ABTB2: variants seen among roughly 807,000 people sequenced by gnomAD.
ABTB2 encodes ankyrin repeat and BTB domain containing 2.
In ABTB2, 56 loss-of-function variants were observed where a neutral mutation model predicts 104.1. The observed-to-expected ratio is 0.54, with a 90% confidence interval of 0.43 to 0.67. The LOEUF (loss-of-function observed/expected upper bound fraction) is 0.67. Among genes scored for constraint, ABTB2 ranks in the 30% least tolerant of loss-of-function variants. The pLI, the probability that ABTB2 is intolerant of heterozygous loss-of-function variation, is 0.00. For synonymous variants in ABTB2, 606 were observed against 608.2 expected (o/e 1.00, Z 0.05); for missense variants, 1,279 against 1,407.7 (o/e 0.91, Z 1.46).
intron 10 of ABTB2, among the ~76,000 whole-genome samples, chr11:34,162,198 G>A (rs1381519126): frequency 6.6e-6 from 1 of 152,234 alleles, no homozygotes; most frequent in African/African-American, 2.4e-5. Context: ...TGCAAGGTCA[G>A]CCGAGTGACA....
Position 34,357,366 on chromosome 11 carries a change from G to A in ABTB2, c.218C>T (p.Thr73Met). ...CACTTCGGGGTCCTCGGGCAGCACC[G>A]TGTTCACCGTGTCCCAGCTGTTGTG... ...SRHNSWDTVN[T>M]VLPEDPEVAD... The change falls in exon 1 of 17, where the codon ACG becomes ATG. Residue 73 changes from threonine (T) to methionine (M), a missense_variant. Physicochemically the swap from Thr to Met is moderately conservative, Grantham distance 81 (BLOSUM62 -1). Coordinates refer to ENST00000435224, the MANE Select transcript of ABTB2 (RefSeq NM_145804.3). 6.5e-7 allele frequency: 1 copy of A among 1,541,000 alleles called. No homozygotes were observed. The highest frequency in any genetic ancestry group is 8.8e-7 in the Non-Finnish European group (1 of 1,140,334).
At chr11:34,313,121 A>T (rs1212703734) in intron 1 of ABTB2, among the ~76,000 whole-genome samples, 2 of 152,260 alleles carry the variant, frequency 1.3e-5, no homozygotes, top group Non-Finnish European at 2.9e-5. Flanking sequence ...ACAATAGCTC[A>T]CTGTCAGTGG....
intron 1 of ABTB2, among the ~76,000 whole-genome samples, chr11:34,287,086 C>T (rs1854514183): frequency 1.3e-5 from 2 of 151,756 alleles, no homozygotes; most frequent in Admixed American, 6.6e-5. Context: ...ATGGCTCATG[C>T]CTGTAATCCC....
chr11:34,353,631 C>T (rs1195033562), intron 1 of ABTB2, among the ~76,000 whole-genome samples: 2 of 152,150 alleles, frequency 1.3e-5, no homozygotes, highest in East Asian at 3.9e-4. Flanking sequence ...CTTTTATTAT[C>T]CATCTTGTGC....
At chr11:34,212,077 G>C (rs1853487560) in intron 1 of ABTB2, among the ~76,000 whole-genome samples, 1 of 151,814 alleles carries the variant, frequency 6.6e-6, no homozygotes, top group Admixed American at 6.6e-5. Flanking sequence ...TATTTATTGA[G>C]ACAGGGCCTT....
chr11:34,245,463 C>T (rs1853973921), intron 1 of ABTB2, among the ~76,000 whole-genome samples: 1 of 152,262 alleles, frequency 6.6e-6, no homozygotes, highest in Non-Finnish European at 1.5e-5. Flanking sequence ...CAGTGCTTGG[C>T]TGTGCAAGTC....
intron 1 of ABTB2, among the ~76,000 whole-genome samples, chr11:34,313,307 A>G (rs889200841): frequency 3.3e-5 from 5 of 152,182 alleles, no homozygotes; most frequent in Non-Finnish European, 7.3e-5. Context: ...GGACAGACGG[A>G]GTGTCCCATT....
chr11:34,332,427 G>A (rs766392168), intron 1 of ABTB2, among the ~76,000 whole-genome samples: 7 of 152,088 alleles, frequency 4.6e-5, no homozygotes, highest in East Asian at 1.9e-4. Flanking sequence ...TATTCCCTCC[G>A]AAAATGTAAC....
At chr11:34,280,764 A>T (rs1210128173) in intron 1 of ABTB2, among the ~76,000 whole-genome samples, 1 of 152,156 alleles carries the variant, frequency 6.6e-6, no homozygotes, top group Non-Finnish European at 1.5e-5. Flanking sequence ...CCTGTTTAAT[A>T]AATGCGGATG....
chr11:34,162,636 C>G lies in ABTB2; in HGVS notation c.2158G>C (p.Ala720Pro). The change falls in exon 10 of 17, where the codon GCC (alanine) becomes CCC (proline). Residue 720 changes from alanine (A) to proline (P), a missense_variant. Coordinates refer to ENST00000435224, the MANE Select transcript of ABTB2 (RefSeq NM_145804.3). ...CCGTGCTCAGCGCTGTAGTACATGG[C>G]CTCCTGTAGGGCCTTGGTGCGGGTC... ...SRTRTKALQE[A>P]MYYSAEHGYV... The G allele has an allele frequency of 6.2e-7, 1 of 1,613,608 alleles. No homozygotes were observed. The highest frequency in any genetic ancestry group is 8.5e-7 in the Non-Finnish European group (1 of 1,180,014).
intron 1 of ABTB2, among the ~76,000 whole-genome samples, chr11:34,295,108 CAGG>C (rs1393827082): frequency 6.6e-6 from 1 of 152,134 alleles, no homozygotes; most frequent in African/African-American, 2.4e-5. Context: ...CACTTGAGCC[CAGG>C]AGTTTGAGGC....
At chr11:34,180,878 G>C (rs1423496621) in intron 3 of ABTB2, among the ~76,000 whole-genome samples, 1 of 152,138 alleles carries the variant, frequency 6.6e-6, no homozygotes, top group Non-Finnish European at 1.5e-5. Flanking sequence ...TTTAAAAAAT[G>C]AAAGAGTATA....
At chr11:34,277,581 C>T (rs1854396149) in intron 1 of ABTB2, among the ~76,000 whole-genome samples, 1 of 149,716 alleles carries the variant, frequency 6.7e-6, no homozygotes, top group East Asian at 2.0e-4. Flanking sequence ...GTCAGGAGTT[C>T]CAGACCAGCC....
chr11:34,307,722 G>A (rs2755144), intron 1 of ABTB2, among the ~76,000 whole-genome samples: 460 of 149,676 alleles, frequency 3.1e-3, no homozygotes, highest in African/African-American at 0.011. Context: ...TTTTTGAGAC[G>A]GAGTCTCGCT....
chr11:34,334,792 A>G (rs1327179958), intron 1 of ABTB2, among the ~76,000 whole-genome samples: 1 of 150,692 alleles, frequency 6.6e-6, no homozygotes, highest in Non-Finnish European at 1.5e-5. Flanking sequence ...TCGTAACCAA[A>G]TGTGTGATTT....
At chr11:34,335,651 A>G in intron 1 of ABTB2, 1 of 1,437,578 alleles carries the variant, frequency 7.0e-7, no homozygotes, top group Non-Finnish European at 9.8e-7. Flanking sequence ...TCATTCACAT[A>G]TTGTGTCATC....
chr11:34,275,712 C>G (rs906679127), intron 1 of ABTB2, among the ~76,000 whole-genome samples: 7 of 152,328 alleles, frequency 4.6e-5, no homozygotes, highest in Admixed American at 1.3e-4. Flanking sequence ...TTTCCCTGGG[C>G]TACCAGGTCT....
At chr11:34,227,646 A>G (rs1351279216) in intron 1 of ABTB2, among the ~76,000 whole-genome samples, 2 of 152,188 alleles carry the variant, frequency 1.3e-5, no homozygotes, top group Non-Finnish European at 2.9e-5. Context: ...GTCATGTACA[A>G]GTTTTTGTGT....
At chr11:34,297,538 T>A (rs990508010) in intron 1 of ABTB2, among the ~76,000 whole-genome samples, 1 of 152,090 alleles carries the variant, frequency 6.6e-6, no homozygotes, top group Non-Finnish European at 1.5e-5. Flanking sequence ...ACACCTGTAA[T>A]CCCAGCACTT....
Sources: gnomAD v4.1 joint callset for allele counts (sites outside exome capture counted in the v4.1 genomes callset) on GRCh38, gnomAD v4.1.1 for gene constraint, MANE v1.5 for transcripts, NCBI Gene and HGNC (gene_info 2026-07-23, HGNC 2026-07-21) for gene names.